Variants in EWSR1 observed in about 807,000 individuals in gnomAD.
EWSR1 encodes EWS RNA binding protein 1.
In EWSR1, 14 loss-of-function variants were observed where a neutral mutation model predicts 92.1. That is an observed-to-expected ratio of 0.15 (90% CI 0.10 to 0.24). EWSR1 has a LOEUF of 0.24. Among genes scored for constraint, EWSR1 ranks in the 10% least tolerant of loss-of-function variants. EWSR1 has a pLI of 1.00. For missense variants in EWSR1, 637 were observed against 870.9 expected (o/e 0.73, Z 3.38); for synonymous variants, 303 against 292.9 (o/e 1.03, Z -0.35).
chr22:29,272,089 G>T, intron 1 of EWSR1, 127 bp from the exon 2 acceptor site: 1 of 789,732 alleles, frequency 1.3e-6, no homozygotes. Flanking sequence ...GACTCATTTG[G>T]ACCTGTGTTG....
intron 11 of EWSR1, 25 bp downstream of exon 11, chr22:29,292,631 T>C: frequency 1.4e-6 from 2 of 1,467,368 alleles, no homozygotes; most frequent in Non-Finnish European, 9.5e-7. Context: ...AACCAGGTCA[T>C]CTGGCAGAAC....
intron 8 of EWSR1, 87 bp from the exon 9 acceptor site, chr22:29,291,475 C>A: frequency 7.7e-7 from 1 of 1,293,508 alleles, no homozygotes; most frequent in Non-Finnish European, 1.1e-6. Flanking sequence ...TTAGCCAGTG[C>A]CCTTCTTCCC....
At chr22:29,292,698 G>T (rs1187817001) in intron 11 of EWSR1, 92 bp downstream of exon 11, 8 of 778,158 alleles carry the variant, frequency 1.0e-5, no homozygotes, top group Non-Finnish European at 1.7e-5. Context: ...TGTTTTCTAA[G>T]GTTGCCTTTG....
chr22:29,297,027 G>A (rs2060914914), intron 12 of EWSR1, among the ~76,000 whole-genome samples: 1 of 152,188 alleles, frequency 6.6e-6, no homozygotes, highest in Non-Finnish European at 1.5e-5. Context: ...TCCAACCTGG[G>A]CAACGGAGCA....
At chr22:29,295,589 CTTTT>C (rs1365231744) in intron 11 of EWSR1, 1 of 224,310 alleles carries the variant, frequency 4.5e-6, no homozygotes, top group Non-Finnish European at 8.9e-6. Flanking sequence ...CTGTTGTAAT[CTTTT>C]TTAAGTCCTA....
chr22:29,300,133 G>C lies in EWSR1; in HGVS notation c.1943G>C (p.Arg648Pro). The change falls in exon 17 of 17, where the codon CGT becomes CCT. Residue 648 changes from arginine to proline, a missense_variant. Arg to Pro is a moderately radical substitution (Grantham distance 103). This residue lies in a region of EWSR1 where 363 missense variants were observed against 447.8 expected (regional missense o/e 0.81). Transcript: ENST00000397938. ...TCTTTACCTTGCAGAGGCGAGCACCGTCAGGAGCGCAGAGATCGGCCCTAC... is the reference window on the plus strand; with the variant it reads ...TCTTTACCTTGCAGAGGCGAGCACCCTCAGGAGCGCAGAGATCGGCCCTAC... ...GPGKMDKGEHRQERRDRPY is the reference protein window; with the variant it reads ...GPGKMDKGEHPQERRDRPY The C allele has an allele frequency of 6.2e-7, 1 of 1,603,970 alleles. No individual in the cohort carries two copies. The highest frequency in any genetic ancestry group is 1.7e-5 in the Admixed American group (1 of 58,792).
intron 10 of EWSR1, 69 bp downstream of exon 10, chr22:29,292,238 C>T (rs570245105): frequency 1.2e-5 from 17 of 1,449,374 alleles, no homozygotes; most frequent in African/African-American, 2.8e-5. Context: ...TAAATGCATG[C>T]GTAGAGTTCA....
In EWSR1 at chr22:29,298,649, G is replaced by C. The variant is rs561717307; in HGVS notation, c.1418-84G>C. The C allele has an allele frequency of 5.7e-4, 868 of 1,528,044 alleles. 9 individuals carry two copies. In the South Asian group the frequency reaches 8.0e-3, roughly 14 times the overall value. 94.7% of individuals were successfully genotyped at this position (1,528,044 alleles called of 1,614,324 possible). A position where few individuals can be genotyped will look rare whatever the true frequency, so the allele number is the denominator to read the frequency against. ...GGAAATGACAGCAGTAGTATCTGTG[G>C]GTTTACTTAGTGATTTTTATTTCCT... On this transcript the variant is annotated intron_variant, in intron 13 of 16. Coordinates refer to ENST00000397938, the MANE Select transcript of EWSR1 (RefSeq NM_005243.4).
At chr22:29,296,774 C>T (rs2060893592) in intron 12 of EWSR1, among the ~76,000 whole-genome samples, 1 of 152,226 alleles carries the variant, frequency 6.6e-6, no homozygotes, top group Non-Finnish European at 1.5e-5. Context: ...TGTCCAGTGG[C>T]TTGCACCTGT....
In EWSR1 at chr22:29,268,358, G is replaced by T; in HGVS notation, c.13+9G>T. 6.2e-7 allele frequency: 1 copy of T among 1,614,124 alleles called. No individual in the cohort carries two copies. Among genetic ancestry groups the T allele is most frequent in the Admixed American group, 1.7e-5 (1 of 60,036 alleles). ...GAAAATGGCGTCCACGGGTGAGTAT[G>T]GTGGAACTGCGGTCGCGCCGGCGGT... On this transcript the variant is annotated intron_variant, in intron 1 of 16. Coordinates refer to ENST00000397938, the MANE Select transcript of EWSR1 (RefSeq NM_005243.4).
At chr22:29,273,561 A>T (rs1260802327) in intron 3 of EWSR1, among the ~76,000 whole-genome samples, 180 bp from the exon 4 acceptor site, 8 of 152,190 alleles carry the variant, frequency 5.3e-5, no homozygotes, top group Non-Finnish European at 1.0e-4. Context: ...TGAGTGAACC[A>T]GATAAGGGAT....
intron 6 of EWSR1, among the ~76,000 whole-genome samples, chr22:29,286,150 G>T (rs893926617): frequency 5.3e-5 from 8 of 149,650 alleles, no homozygotes; most frequent in Admixed American, 5.3e-4. Flanking sequence ...GATTTTTTGG[G>T]TTTTTTTTTG....
At chr22:29,289,020 G>A in intron 8 of EWSR1, 1 of 447,166 alleles carries the variant, frequency 2.2e-6, no homozygotes, top group Admixed American at 4.0e-5. Context: ...ACAAAGAATG[G>A]TTTTGAAACC....
At chr22:29,272,543 A>C in intron 3 of EWSR1, 112 bp downstream of exon 3, 1 of 1,117,264 alleles carries the variant, frequency 9.0e-7, no homozygotes, top group Middle Eastern at 2.9e-4. Context: ...TGGAATAGTA[A>C]AATACCCAGG....
chr22:29,274,601 TGAG>T (rs2058957597), intron 4 of EWSR1: 2 of 370,298 alleles, frequency 5.4e-6, no homozygotes, highest in Non-Finnish European at 9.9e-6. Flanking sequence ...GATTGCATGA[TGAG>T]ATTTATTTAG....
At chr22:29,282,681 C>T in intron 6 of EWSR1, 124 bp downstream of exon 6, 3 of 697,388 alleles carry the variant, frequency 4.3e-6, no homozygotes, top group East Asian at 6.6e-5. Flanking sequence ...GATAAGTCAT[C>T]TGACCATACT....
rs71322634 is a variant in EWSR1 at position 29,275,935 on chromosome 22, G to GTTT, written c.226+2079_226+2081dup. 29 of 214,482 alleles carry GTTT rather than the reference G, an allele frequency of 1.4e-4. No individual in the cohort carries two copies. In the Middle Eastern group the frequency reaches 4.1e-3, roughly 30 times the overall value. The allele number at this position is 214,482 out of a possible 1,614,324, so 13.3% of individuals were successfully genotyped here. A position where few individuals can be genotyped will look rare whatever the true frequency, so the allele number is the denominator to read the frequency against. On this transcript the variant is annotated intron_variant, in intron 4 of 16. Coordinates refer to ENST00000397938, the MANE Select transcript of EWSR1 (RefSeq NM_005243.4). ...TGGTCTTTTGTTTTTTTGTTTTTTT[G>GTTT]TTTTTTTTTTGGTCATTAAATCATT...
At chr22:29,278,326 T>C in intron 5 of EWSR1, 110 bp downstream of exon 5, 2 of 1,026,034 alleles carry the variant, frequency 1.9e-6, no homozygotes, top group Non-Finnish European at 1.4e-6. Flanking sequence ...GTTGCTTTCA[T>C]ATACTCTCAG....
chr22:29,273,724 G>A lies in EWSR1; in HGVS notation c.103-17G>A, dbSNP rs772232900. Reference sequence around the variant, plus strand: ...GTTCATGTATGAAGTTCTTGCATTCGTTTTTTTTTGGAGCAGGCATATGGG... The same window carrying A: ...GTTCATGTATGAAGTTCTTGCATTCATTTTTTTTTGGAGCAGGCATATGGG... On this transcript the variant is annotated splice_polypyrimidine_tract_variant and intron_variant, in intron 3 of 16. Coordinates refer to ENST00000397938, the MANE Select transcript of EWSR1 (RefSeq NM_005243.4). 8 of 1,546,268 alleles carry A rather than the reference G, an allele frequency of 5.2e-6. No individual in the cohort carries two copies. The highest frequency in any genetic ancestry group is 2.3e-5 in the East Asian group (1 of 42,786).
Sources: gnomAD v4.1 joint callset for allele counts (sites outside exome capture counted in the v4.1 genomes callset) on GRCh38, gnomAD v4.1.1 for gene constraint, gnomAD v4.1.1 regional missense constraint, MANE v1.5 for transcripts, NCBI Gene and HGNC (gene_info 2026-07-23, HGNC 2026-07-21) for gene names.